The following TNPO1 variants were observed in gnomAD, a reference collection of about 807,000 sequenced individuals.
TNPO1 encodes the protein transportin 1, also known as transportin-1.
TNPO1 carries 8 observed loss-of-function variants against 119.5 expected under a neutral mutation model. The observed-to-expected ratio is 0.07, with a 90% CI of 0.04 to 0.12. The LOEUF is 0.12. Among genes scored for constraint, TNPO1 ranks in the 10% least tolerant of loss-of-function variants. TNPO1 has a pLI of 1.00. For synonymous variants in TNPO1, 362 were observed against 363.0 expected (o/e 1.00, Z 0.03); for missense variants, 576 against 1,089.8 (o/e 0.53, Z 6.64).
At chr5:72,890,826 C>T (rs931078831) in intron 14 of TNPO1, among the ~76,000 whole-genome samples, 1 of 152,088 alleles carries the variant, frequency 6.6e-6, no homozygotes, top group African/African-American at 2.4e-5. Context: ...TAGTAACAGC[C>T]ATATTACACG....
Position 72,900,041 on chromosome 5 carries a change from CAA to C in TNPO1, c.2375_2376del (p.Gln792ArgfsTer24). 1 of 1,614,014 alleles carries C rather than the reference CAA, an allele frequency of 6.2e-7. No individual in the cohort carries two copies. Among genetic ancestry groups the C allele is most frequent in the Non-Finnish European group, 8.5e-7 (1 of 1,179,942 alleles). ...TIGRLGYVCP[Q>X]EVAPMLQQFI... The stretch of plus-strand genomic sequence containing the variant: ...TGGTCGTCTTGGTTACGTTTGTCCT[CAA>C]GAGGTGGCCCCCATGCTACAGCAGT... On this transcript the variant is annotated frameshift_variant, in exon 21 of 25. Coordinates refer to ENST00000337273, the MANE Select transcript of TNPO1 (RefSeq NM_002270.4). LOFTEE classifies it high-confidence loss of function.
At chr5:72,898,906 G>T (rs1238199971) in intron 20 of TNPO1, among the ~76,000 whole-genome samples, 3 of 151,926 alleles carry the variant, frequency 2.0e-5, no homozygotes, top group Admixed American at 6.6e-5. Flanking sequence ...TTTATGAAAG[G>T]TTAACCTGTA....
At chr5:72,878,404 T>A (rs1389591719) in intron 9 of TNPO1, among the ~76,000 whole-genome samples, 1 of 152,008 alleles carries the variant, frequency 6.6e-6, no homozygotes, top group Admixed American at 6.6e-5. Flanking sequence ...TGTCACAACT[T>A]TGCCAGCCAT....
Position 72,896,454 on chromosome 5 carries a change from C to G in TNPO1, c.2144-4C>G. 1.2e-6 allele frequency: 2 copies of G among 1,607,888 alleles called. No individual in the cohort carries two copies. Among genetic ancestry groups the G allele is most frequent in the Non-Finnish European group, 1.7e-6 (2 of 1,177,146 alleles). The stretch of plus-strand genomic sequence containing the variant: ...TTACTACATAGTTTAAATTTTTTTT[C>G]TAGCTGATTTCATGCCAATATTGGG... On this transcript the variant is annotated splice_region_variant and splice_polypyrimidine_tract_variant and intron_variant, in intron 18 of 24. Transcript: ENST00000337273.
chr5:72,893,344 C>A, intron 16 of TNPO1, 33 bp from the exon 17 acceptor site: 1 of 1,607,114 alleles, frequency 6.2e-7, no homozygotes, highest in South Asian at 1.1e-5. Context: ...TAATTAAAAC[C>A]AAACTTACAA....
chr5:72,822,280 A>G (rs1045958371), intron 1 of TNPO1, among the ~76,000 whole-genome samples: 2 of 152,074 alleles, frequency 1.3e-5, no homozygotes, highest in Non-Finnish European at 2.9e-5. Flanking sequence ...ACATGGAATA[A>G]TGATTTACCT....
rs1749441057 is a variant in TNPO1 at position 72,896,547 on chromosome 5, A to G, written c.2233A>G (p.Ile745Val). 1.2e-6 allele frequency: 2 copies of G among 1,611,108 alleles called. No individual in the cohort carries two copies. Among genetic ancestry groups the G allele is most frequent in the Non-Finnish European group, 1.7e-6 (2 of 1,179,272 alleles). The change falls in exon 19 of 25, where the codon ATT becomes GTT. Residue 745 changes from isoleucine (I) to valine (V), a missense_variant. Physicochemically the swap from Ile to Val is conservative, Grantham distance 29. Around this residue, in one of 6 missense-constraint regions of TNPO1, gnomAD observed 162 missense variants for 294.1 expected, o/e 0.55. Coordinates refer to ENST00000337273, the MANE Select transcript of TNPO1 (RefSeq NM_002270.4). Reference protein sequence around the residue: ...NATWAIGEISIQMGIEMQPYI... With the variant: ...NATWAIGEISVQMGIEMQPYI... ...CACATGGGCAATTGGAGAAATCTCC[A>G]TTCAAATGGGTAAGATGTTTTTCCC...
intron 2 of TNPO1, 34 bp from the exon 3 acceptor site, chr5:72,851,210 A>G (rs747027565): frequency 3.9e-6 from 5 of 1,278,492 alleles, no homozygotes; most frequent in Non-Finnish European, 5.6e-6. Flanking sequence ...CTGAGATTAC[A>G]CAGAGAAGTT....
In TNPO1 at chr5:72,910,290, A is replaced by G. The variant is rs747465736; in HGVS notation, c.*1617A>G. 2.6e-5 allele frequency: 4 copies of G among 152,598 alleles called. No individual in the cohort carries two copies. Among genetic ancestry groups the G allele is most frequent in the African/African-American group, 4.8e-5 (2 of 41,442 alleles). 9.5% of individuals were successfully genotyped at this position (152,598 alleles called of 1,614,324 possible). A position where few individuals can be genotyped will look rare whatever the true frequency, so the allele number is the denominator to read the frequency against. On this transcript the variant is annotated 3_prime_UTR_variant, in exon 25 of 25. Transcript: ENST00000337273. Reference sequence around the variant, plus strand: ...TTTTCTGTTATTTTTCTCTACTTACATGTATTCCTGTGAATAAATCCTTGT... The same window carrying G: ...TTTTCTGTTATTTTTCTCTACTTACGTGTATTCCTGTGAATAAATCCTTGT...
chr5:72,878,451 G>C (rs1319005580), intron 9 of TNPO1: 3 of 145,066 alleles, frequency 2.1e-5, no homozygotes, highest in Non-Finnish European at 4.5e-5. Context: ...ATCTGGATAA[G>C]CAAAAAAAAA....
Position 72,900,053 on chromosome 5 carries a change from C to A in TNPO1, c.2386C>A (p.Pro796Thr). 6.2e-7 allele frequency: 1 copy of A among 1,613,676 alleles called. No homozygotes were observed. ...TTACGTTTGTCCTCAAGAGGTGGCC[C>A]CCATGCTACAGCAGTTTATAAGACC... ...LGYVCPQEVA[P>T]MLQQFIRPWC... The change falls in exon 21 of 25, where the codon CCC becomes ACC. Residue 796 changes from proline (P) to threonine (T), a missense_variant. Physicochemically the swap from Pro to Thr is conservative, Grantham distance 38. Transcript: ENST00000337273.
intron 5 of TNPO1, among the ~76,000 whole-genome samples, chr5:72,864,856 G>A (rs1022101339): frequency 2.4e-4 from 36 of 151,930 alleles, no homozygotes; most frequent in African/African-American, 7.7e-4. Flanking sequence ...TAATCCACCC[G>A]CGTCGGCCTC....
intron 3 of TNPO1, among the ~76,000 whole-genome samples, chr5:72,853,608 G>T (rs1745757069): frequency 6.6e-6 from 1 of 151,688 alleles, no homozygotes; most frequent in Non-Finnish European, 1.5e-5. Flanking sequence ...CTCTGAGGAT[G>T]CAGTAGTTTT....
chr5:72,818,038 A>AT (rs1163754316), intron 1 of TNPO1, among the ~76,000 whole-genome samples: 1 of 152,252 alleles, frequency 6.6e-6, no homozygotes, highest in African/African-American at 2.4e-5. Flanking sequence ...GTAGGTGCAG[A>AT]TATCTTTTTT....
intron 6 of TNPO1, among the ~76,000 whole-genome samples, chr5:72,869,717 G>A (rs1351670783): frequency 6.6e-6 from 1 of 152,036 alleles, no homozygotes; most frequent in Non-Finnish European, 1.5e-5. Flanking sequence ...GATGCTTCTG[G>A]GGGAATATTT....
intron 5 of TNPO1, 26 bp downstream of exon 5, chr5:72,861,940 T>C (rs1466855895): frequency 1.9e-6 from 3 of 1,553,842 alleles, no homozygotes; most frequent in Non-Finnish European, 2.7e-6. Flanking sequence ...TCATACATAA[T>C]TGGGTGTTTT....
intron 14 of TNPO1, 108 bp downstream of exon 14, chr5:72,890,065 A>AC: frequency 2.5e-6 from 3 of 1,210,792 alleles, no homozygotes; most frequent in Non-Finnish European, 3.5e-6. Flanking sequence ...GTGAATAGTT[A>AC]GCGTTAGCTA....
chr5:72,893,237 A>G lies in TNPO1; in HGVS notation c.1887A>G (p.Ala629=). ...TAAACCTAGTACAGAAGACTCTTGC[A>G]CAAGCCATGGTAATTTTTTTAAAAT... The part of the protein sequence containing the change: ...RCVNLVQKTL[A]QAMLNNAQPD... The change falls in exon 16 of 25, where the codon GCA becomes GCG. Residue 629 remains alanine (A), a synonymous_variant. Coordinates refer to ENST00000337273, the MANE Select transcript of TNPO1 (RefSeq NM_002270.4). The G allele has an allele frequency of 1.9e-6, 3 of 1,612,906 alleles. No individual in the cohort carries two copies. Among genetic ancestry groups the G allele is most frequent in the Non-Finnish European group, 1.7e-6 (2 of 1,179,720 alleles).
intron 24 of TNPO1, among the ~76,000 whole-genome samples, chr5:72,905,813 T>A (rs1459469650): frequency 6.6e-6 from 1 of 152,102 alleles, no homozygotes; most frequent in Non-Finnish European, 1.5e-5. Flanking sequence ...GGGAATATTG[T>A]TTGAACCTGG....
Sources: allele counts gnomAD v4.1 joint callset (sites outside exome capture counted in the v4.1 genomes callset), GRCh38; gene constraint gnomAD v4.1.1; regional missense constraint gnomAD v4.1.1; transcripts MANE v1.5; gene names NCBI Gene and HGNC (gene_info 2026-07-23, HGNC 2026-07-21).